The following TMEM178B variants were observed in gnomAD, a reference collection of about 807,000 sequenced individuals.
The protein encoded by TMEM178B is transmembrane protein 178B.
A neutral mutation model predicts 31.0 loss-of-function variants in TMEM178B; 5 were observed. The observed-to-expected ratio is 0.16, with a 90% CI of 0.08 to 0.34. The LOEUF (loss-of-function observed/expected upper bound fraction) is 0.34, where lower values mean the gene tolerates loss of function less well. Among genes scored for constraint, TMEM178B ranks in the 10% least tolerant of loss-of-function variants. TMEM178B has a pLI of 1.00. For synonymous variants in TMEM178B, 164 were observed against 164.0 expected (o/e 1.00, Z 0.00); for missense variants, 275 against 400.3 (o/e 0.69, Z 2.67).
intron 2 of TMEM178B, among the ~76,000 whole-genome samples, chr7:141,383,545 A>G (rs1800368720): frequency 6.6e-6 from 1 of 152,116 alleles, no homozygotes; most frequent in African/African-American, 2.4e-5. Flanking sequence ...AAAGGACATG[A>G]ACTCATCCTT....
chr7:141,454,810 T>A (rs1005679507), intron 3 of TMEM178B, among the ~76,000 whole-genome samples: 2 of 152,118 alleles, frequency 1.3e-5, no homozygotes, highest in Non-Finnish European at 2.9e-5. Context: ...CTGGTATATT[T>A]CTCCTCATCT....
intron 1 of TMEM178B, among the ~76,000 whole-genome samples, chr7:141,187,161 A>T (rs1402783777): frequency 7.8e-6 from 1 of 129,002 alleles, no homozygotes; most frequent in East Asian, 2.3e-4. Context: ...CTCATTGTTC[A>T]ATTCCCACCT....
At chr7:141,243,505 C>T (rs1797677280) in intron 2 of TMEM178B, among the ~76,000 whole-genome samples, 1 of 152,020 alleles carries the variant, frequency 6.6e-6, no homozygotes, top group African/African-American at 2.4e-5. Context: ...TGGTGGTGTC[C>T]TCAAACGGAG....
In TMEM178B at chr7:141,156,584, A is replaced by G. The variant is rs564987603; in HGVS notation, c.383-56007A>G. ...CTCTGATGCTCCCAGTGACTTCAGC[A>G]GAAGAAGAAAGGGCCTCCTGGGAAA... On this transcript the variant is annotated intron_variant, in intron 1 of 3. Transcript: ENST00000565468. Among the ~76,000 whole-genome samples the G allele has an allele frequency of 2.0e-3, 311 of 152,376 alleles. 3 individuals are homozygous for G. The highest frequency in any genetic ancestry group is 7.0e-3 in the African/African-American group (290 of 41,598).
chr7:141,146,999 TG>T (rs1795863404), intron 1 of TMEM178B, among the ~76,000 whole-genome samples: 1 of 152,228 alleles, frequency 6.6e-6, no homozygotes, highest in Admixed American at 6.5e-5. Flanking sequence ...TACATGCATT[TG>T]CATCTTGGAG....
intron 2 of TMEM178B, among the ~76,000 whole-genome samples, chr7:141,219,198 G>T (rs1797214319): frequency 6.6e-6 from 1 of 152,166 alleles, no homozygotes; most frequent in Non-Finnish European, 1.5e-5. Flanking sequence ...GGGCTGCCTA[G>T]AGGTCCCATC....
intron 3 of TMEM178B, 83 bp from the exon 4 acceptor site, chr7:141,470,453 T>C (rs2116730297): frequency 1.5e-6 from 2 of 1,350,132 alleles, no homozygotes; most frequent in South Asian, 1.6e-5. Context: ...TGTAATAATA[T>C]TAACTTTTCT....
intron 2 of TMEM178B, among the ~76,000 whole-genome samples, chr7:141,355,241 C>T (rs1048514726): frequency 2.0e-5 from 3 of 152,148 alleles, no homozygotes; most frequent in Non-Finnish European, 4.4e-5. Context: ...AGGGCTTTGG[C>T]TGCTGTTCAG....
Position 141,323,658 on chromosome 7 carries a change from G to A in TMEM178B, c.496+110954G>A, listed in dbSNP as rs867439618. ...ATTTTAGCATTTATATATTCAACAAGTATTTACTGAGTGTCATACACTAGG... is the reference window on the plus strand; with the variant it reads ...ATTTTAGCATTTATATATTCAACAAATATTTACTGAGTGTCATACACTAGG... On this transcript the variant is annotated intron_variant, in intron 2 of 3. Transcript: ENST00000565468. Among the ~76,000 whole-genome samples, 6 of 152,216 alleles carry A rather than the reference G, an allele frequency of 3.9e-5. No individual in the cohort carries two copies. The South Asian group carries it at 8.3e-4, about 21-fold the overall frequency.
At position 141,392,713 on chromosome 7, in the gene TMEM178B, AT is replaced by A. The variant is rs1349824819; in HGVS notation, c.497-44894del. ...TCGCACATGGCAGGCCTTTGACTCT[AT>A]CCAGTAGCTAAAAGGGAGTCTCTGG... is the stretch of plus-strand genomic sequence containing the variant. On this transcript the variant is annotated intron_variant, in intron 2 of 3. Transcript: ENST00000565468. Among the ~76,000 whole-genome samples the A allele has an allele frequency of 7.9e-5, 12 of 152,072 alleles. No homozygotes were observed. The East Asian group carries it at 2.3e-3, about 29-fold the overall frequency.
chr7:141,373,655 C>A (rs573360106), intron 2 of TMEM178B, among the ~76,000 whole-genome samples: 2 of 152,166 alleles, frequency 1.3e-5, no homozygotes, highest in African/African-American at 4.8e-5. Flanking sequence ...CTCCACCCCC[C>A]CAACACACAT....
intron 2 of TMEM178B, among the ~76,000 whole-genome samples, chr7:141,250,073 T>C (rs577588941): frequency 2.6e-5 from 4 of 152,264 alleles, no homozygotes; most frequent in African/African-American, 9.6e-5. Flanking sequence ...ATAATAAAAA[T>C]AACTAATTTT....
At chr7:141,142,747 A>T (rs1307691280) in intron 1 of TMEM178B, among the ~76,000 whole-genome samples, 1 of 152,182 alleles carries the variant, frequency 6.6e-6, no homozygotes, top group Non-Finnish European at 1.5e-5. Context: ...CAGTAATGGG[A>T]TTGCTAGGTC....
intron 1 of TMEM178B, among the ~76,000 whole-genome samples, chr7:141,087,223 GA>G (rs1043744525): frequency 1.3e-5 from 2 of 151,976 alleles, no homozygotes; most frequent in African/African-American, 4.8e-5. Context: ...GAAGCATTTA[GA>G]AAAAAGGGGA....
the TMEM178B span, among the ~76,000 whole-genome samples, chr7:141,493,472 C>CA: frequency 6.6e-6 from 1 of 152,126 alleles, no homozygotes; most frequent in African/African-American, 2.4e-5. Context: ...TCTACTAAAG[C>CA]ATCCAGCTCA....
At chr7:141,386,537 C>T (rs115486515) in intron 2 of TMEM178B, among the ~76,000 whole-genome samples, 5,271 of 152,258 alleles carry the variant, frequency 0.035, 264 homozygotes, top group African/African-American at 0.12. Flanking sequence ...TGTTTTGATA[C>T]ATACATGTTG....
intron 3 of TMEM178B, among the ~76,000 whole-genome samples, chr7:141,464,171 T>C (rs980478309): frequency 1.3e-5 from 2 of 152,170 alleles, no homozygotes; most frequent in African/African-American, 4.8e-5. Context: ...GGCACTGAGA[T>C]GAAAGGAGGG....
chr7:141,461,432 C>G lies in TMEM178B; in HGVS notation c.635-9104C>G, dbSNP rs897742286. On this transcript the variant is annotated intron_variant, in intron 3 of 3. Transcript: ENST00000565468. The surrounding 1 kb of genome is among the most constrained non-coding windows in gnomAD (Gnocchi z 4.0). ...CTAGAAACCTGTAGAAATTGTGCAC[C>G]AGTGAAGTTGTGGGCATAACTTGGT... Among the ~76,000 whole-genome samples, 1 of 152,168 alleles carries G rather than the reference C, an allele frequency of 6.6e-6. No individual in the cohort carries two copies. Among genetic ancestry groups the G allele is most frequent in the Non-Finnish European group, 1.5e-5 (1 of 68,046 alleles).
intron 1 of TMEM178B, among the ~76,000 whole-genome samples, chr7:141,106,291 T>G (rs1439644558): frequency 6.6e-6 from 1 of 152,192 alleles, no homozygotes; most frequent in Admixed American, 6.5e-5. Flanking sequence ...GACATGGCAC[T>G]CTTTTTCTAG....
Sources: gnomAD v4.1 joint callset for allele counts (sites outside exome capture counted in the v4.1 genomes callset) on GRCh38, gnomAD v4.1.1 for gene constraint, Gnocchi (gnomAD v3.1) non-coding constraint, MANE v1.5 for transcripts, NCBI Gene and HGNC (gene_info 2026-07-23, HGNC 2026-07-21) for gene names.